Variants in WASHC2A observed in about 807,000 individuals in gnomAD.
The protein encoded by WASHC2A is WASH complex subunit 2A.
In WASHC2A, 82 loss-of-function variants were observed where a neutral mutation model predicts 140.3. The observed-to-expected ratio is 0.58, with a 90% CI of 0.49 to 0.70. The LOEUF (loss-of-function observed/expected upper bound fraction) is 0.70. WASHC2A is among the 30% of genes least tolerant of loss of function. The pLI is 0.00. For synonymous variants in WASHC2A, 340 were observed against 560.8 expected (o/e 0.61, Z 5.56); for missense variants, 985 against 1,521.8 (o/e 0.65, Z 5.87).
chr10:50,117,936 T>C lies in WASHC2A; in HGVS notation c.2173T>C (p.Leu725=). ...KKETVSEAPP[L]LFSDEEEKEA... Reference sequence around the variant, plus strand: ...AGAGACTGTCTCTGAGGCACCACCTTTGCTGTTCAGCGATGAAGAAGAGAA... The same window carrying C: ...AGAGACTGTCTCTGAGGCACCACCTCTGCTGTTCAGCGATGAAGAAGAGAA... Residue 725 remains leucine, a synonymous_variant, in exon 22 of 31, where the codon TTG becomes CTG. Coordinates refer to ENST00000282633, the MANE Select transcript of WASHC2A (RefSeq NM_001005751.3). The C allele has an allele frequency of 1.9e-6, 3 of 1,553,558 alleles. No individual in the cohort carries two copies. Among genetic ancestry groups the C allele is most frequent in the Non-Finnish European group, 2.6e-6 (3 of 1,135,420 alleles).
rs1843784701 is a variant in WASHC2A, at chr10:50,129,875, G to C, written c.3544G>C (p.Asp1182His). Residue 1182 changes from aspartate (D) to histidine (H), a missense_variant, in exon 29 of 31, where the codon GAT becomes CAT. Asp to His is a moderately conservative substitution (Grantham distance 81). Transcript: ENST00000282633. ...FPALGEASSDDDLFQSAKPKP... is the reference protein window; with the variant it reads ...FPALGEASSDHDLFQSAKPKP... ...TGCTCTAGGTGAGGCCAGCAGTGAT[G>C]ATGATCTCTTTCAGTCTGCTAAACC... 1 of 1,611,910 alleles carries C rather than the reference G, an allele frequency of 6.2e-7. No homozygotes were observed. The highest frequency in any genetic ancestry group is 1.1e-5 in the South Asian group (1 of 90,996).
chr10:50,071,927 G>A (rs562186956), intron 3 of WASHC2A, among the ~76,000 whole-genome samples: 18 of 135,368 alleles, frequency 1.3e-4, no homozygotes, highest in African/African-American at 4.2e-4. Context: ...TTTTTCTTCC[G>A]AGACAGAGTC....
At position 50,095,553 on chromosome 10, in the gene WASHC2A, C is replaced by T. The variant is rs1469832135; in HGVS notation, c.1241-46C>T. On this transcript the variant is annotated intron_variant, in intron 14 of 30. Coordinates refer to ENST00000282633, the MANE Select transcript of WASHC2A (RefSeq NM_001005751.3). ...AATTTTTTTCTGTAAATTCAACCGG[C>T]CCACACTGGCTCACAGCTGTGGCTG... The T allele has an allele frequency of 7.5e-6, 12 of 1,610,556 alleles. No homozygotes were observed. The African/African-American group carries it at 1.2e-4, about 16-fold the overall frequency.
At chr10:50,120,616 C>T (rs1243164614) in intron 23 of WASHC2A, among the ~76,000 whole-genome samples, 3 of 85,222 alleles carry the variant, frequency 3.5e-5, no homozygotes. Context: ...GAGACTCCAT[C>T]TCAAAAAAAA....
At chr10:50,082,050 T>A (rs1408173156) in intron 5 of WASHC2A, among the ~76,000 whole-genome samples, 6 of 152,182 alleles carry the variant, frequency 3.9e-5, no homozygotes, top group East Asian at 3.9e-4. Context: ...GCTGCTTGGA[T>A]TTTCACTGTA....
At chr10:50,123,839 AT>A (rs1249692753) in intron 23 of WASHC2A, among the ~76,000 whole-genome samples, 162 of 150,574 alleles carry the variant, frequency 1.1e-3, no homozygotes, top group African/African-American at 3.7e-3. Flanking sequence ...TCTACAAAAA[AT>A]GTTATATGAA....
intron 17 of WASHC2A, among the ~76,000 whole-genome samples, chr10:50,102,725 C>G (rs1350612809): frequency 6.8e-6 from 1 of 147,660 alleles, no homozygotes; most frequent in African/African-American, 2.5e-5. Context: ...TTTAATTGTT[C>G]GGCTCTTGTG....
At chr10:50,090,574 T>C (rs1589190238) in intron 8 of WASHC2A, among the ~76,000 whole-genome samples, 1 of 146,894 alleles carries the variant, frequency 6.8e-6, no homozygotes, top group South Asian at 2.1e-4. Flanking sequence ...TATATTTTTA[T>C]ATATATATTT....
intron 3 of WASHC2A, among the ~76,000 whole-genome samples, chr10:50,070,723 T>A (rs1425668337): frequency 3.4e-4 from 48 of 140,788 alleles, no homozygotes; most frequent in African/African-American, 1.1e-3. Context: ...GGAGTACTTA[T>A]GAGTTTGAAA....
intron 23 of WASHC2A, among the ~76,000 whole-genome samples, chr10:50,124,101 T>C (rs1325859263): frequency 6.6e-6 from 1 of 151,484 alleles, no homozygotes; most frequent in Admixed American, 6.6e-5. Context: ...TTTTTTTGTT[T>C]TGTTTTGTTT....
intron 3 of WASHC2A, among the ~76,000 whole-genome samples, chr10:50,077,468 A>C (rs1353176887): frequency 7.2e-5 from 11 of 152,124 alleles, no homozygotes; most frequent in South Asian, 4.1e-4. Flanking sequence ...CATCTCTTTT[A>C]CATGTGCCTT....
Position 50,131,013 on chromosome 10 carries a change from C to T in WASHC2A, c.3821C>T (p.Thr1274Ile). Residue 1274 changes from threonine (T) to isoleucine (I), a missense_variant, in exon 30 of 31, where the codon ACT (threonine) becomes ATT (isoleucine). By Grantham distance (89) the Thr-to-Ile change is moderately conservative (BLOSUM62 -1). Transcript: ENST00000282633. ...DDNIDIFADLTVKPKEKSKKK... is the reference protein window; with the variant it reads ...DDNIDIFADLIVKPKEKSKKK... ...AACATTGATATCTTTGCTGACTTAA[C>T]TGTAAAACCAAAAGAAAAGTCCAAA... 2 of 1,610,794 alleles carry T rather than the reference C, an allele frequency of 1.2e-6. No individual in the cohort carries two copies. The highest frequency in any genetic ancestry group is 1.1e-5 in the South Asian group (1 of 90,904).
chr10:50,119,979 C>T (rs1842899281), intron 23 of WASHC2A, among the ~76,000 whole-genome samples: 1 of 137,248 alleles, frequency 7.3e-6, no homozygotes, highest in African/African-American at 2.9e-5. Context: ...TAGAATTTCA[C>T]CCCCCCTCTT....
intron 18 of WASHC2A, among the ~76,000 whole-genome samples, chr10:50,105,661 C>G (rs1554888259): frequency 6.6e-6 from 1 of 151,116 alleles, no homozygotes; most frequent in Admixed American, 6.6e-5. Context: ...TTCAGGCCCT[C>G]TGATGCTTTT....
At chr10:50,097,549 T>C in intron 15 of WASHC2A, 126 bp from the exon 16 acceptor site, 1 of 737,750 alleles carries the variant, frequency 1.4e-6, no homozygotes, top group Non-Finnish European at 2.2e-6. Flanking sequence ...TATTTCTTTA[T>C]AACTAATCAA....
At chr10:50,120,678 T>C (rs1408598325) in intron 23 of WASHC2A, among the ~76,000 whole-genome samples, 18 of 145,366 alleles carry the variant, frequency 1.2e-4, no homozygotes, top group Non-Finnish European at 2.4e-4. Context: ...ATGACCCTGA[T>C]ATTAAAACTA....
At position 50,126,067 on chromosome 10, in the gene WASHC2A, A is replaced by G. The variant is rs1356336301; in HGVS notation, c.2699A>G (p.Lys900Arg). 1.6e-5 allele frequency: 26 copies of G among 1,613,718 alleles called. No homozygotes were observed. Among genetic ancestry groups the G allele is most frequent in the Non-Finnish European group, 1.9e-5 (23 of 1,179,856 alleles). Reference protein sequence around the residue: ...SAKSQPLVQEKKRVVKKDHSV... With the variant: ...SAKSQPLVQERKRVVKKDHSV... ...TTTTTTCTTTTGAAGGTACAAGAGA[A>G]AAAGAGAGTAGTGAAAAAAGACCAC... The change falls in exon 26 of 31, where the codon AAA (lysine) becomes AGA (arginine). Residue 900 changes from lysine (K) to arginine (R), a missense_variant. Coordinates refer to ENST00000282633, the MANE Select transcript of WASHC2A (RefSeq NM_001005751.3).
intron 20 of WASHC2A, 80 bp downstream of exon 20, chr10:50,110,350 T>C: frequency 6.3e-7 from 1 of 1,595,766 alleles, no homozygotes; most frequent in Admixed American, 1.7e-5. Context: ...ATCTAGTTCA[T>C]CGGGTGATTG....
At chr10:50,078,881 T>C in intron 4 of WASHC2A, 144 bp downstream of exon 4, 2 of 1,506,296 alleles carry the variant, frequency 1.3e-6, no homozygotes, top group Non-Finnish European at 1.8e-6. Flanking sequence ...GAGGGGATTC[T>C]TTCCTTTGTT....
Sources: gnomAD v4.1 joint callset for allele counts (sites outside exome capture counted in the v4.1 genomes callset) on GRCh38, gnomAD v4.1.1 for gene constraint, MANE v1.5 for transcripts, NCBI Gene and HGNC (gene_info 2026-07-23, HGNC 2026-07-21) for gene names.